SLC39A11: variants seen among roughly 807,000 people sequenced by gnomAD.
SLC39A11 encodes zinc transporter ZIP11.
Under a neutral mutation model 36.1 loss-of-function variants are expected in SLC39A11, and 33 were observed. The observed-to-expected ratio is 0.91, with a 90% CI of 0.69 to 1.22. The LOEUF (loss-of-function observed/expected upper bound fraction) is 1.22, where lower values mean the gene tolerates loss of function less well. Among genes scored for constraint, SLC39A11 ranks in the 50% most tolerant of loss-of-function variants. The pLI is 0.00. For missense variants in SLC39A11, 432 were observed against 430.3 expected (o/e 1.00, Z -0.03); for synonymous variants, 166 against 170.3 (o/e 0.97, Z 0.20).
intron 3 of SLC39A11, among the ~76,000 whole-genome samples, chr17:73,055,130 G>A (rs1197311773): frequency 1.3e-5 from 2 of 152,184 alleles, no homozygotes; most frequent in Non-Finnish European, 2.9e-5. Flanking sequence ...GAGTGTCCCT[G>A]TCCCAAGCCA....
At chr17:73,003,632 G>T (rs980062610) in intron 4 of SLC39A11, among the ~76,000 whole-genome samples, 1 of 152,174 alleles carries the variant, frequency 6.6e-6, no homozygotes, top group African/African-American at 2.4e-5. Context: ...CTTCACAGAG[G>T]TGTGCTGTTG....
At chr17:72,846,018 C>CTTTTTTATTTTTTTT (rs2079036523) in intron 6 of SLC39A11, among the ~76,000 whole-genome samples, 1 of 57,950 alleles carries the variant, frequency 1.7e-5, no homozygotes, top group African/African-American at 8.5e-5. Context: ...CTCTCTCTCT[C>CTTTTTTATTTTTTTT]TTTTTTTTTT....
At chr17:72,648,592 G>A (rs1323038352) in intron 9 of SLC39A11, among the ~76,000 whole-genome samples, 1 of 152,110 alleles carries the variant, frequency 6.6e-6, no homozygotes, top group African/African-American at 2.4e-5. Flanking sequence ...ACTGCCTGGT[G>A]TCACCTCATT....
intron 5 of SLC39A11, 27 bp downstream of exon 5, chr17:72,947,725 G>A: frequency 6.2e-7 from 1 of 1,613,230 alleles, no homozygotes; most frequent in Non-Finnish European, 8.5e-7. Context: ...GCAGCAAAGA[G>A]CTTGCCTGAA....
At chr17:73,038,259 G>A (rs563239592) in intron 3 of SLC39A11, among the ~76,000 whole-genome samples, 2 of 151,596 alleles carry the variant, frequency 1.3e-5, no homozygotes, top group African/African-American at 4.8e-5. Flanking sequence ...AACAACTCTT[G>A]CAAAAGGGCT....
At chr17:72,976,975 G>T (rs536176298) in intron 4 of SLC39A11, among the ~76,000 whole-genome samples, 47 of 152,314 alleles carry the variant, frequency 3.1e-4, no homozygotes, top group African/African-American at 1.0e-3. Flanking sequence ...AAGATGTTTT[G>T]CCCTTATCCC....
At chr17:72,894,002 G>C (rs2081896329) in intron 5 of SLC39A11, among the ~76,000 whole-genome samples, 1 of 152,130 alleles carries the variant, frequency 6.6e-6, no homozygotes, top group South Asian at 2.1e-4. Flanking sequence ...ACCAAGCAGT[G>C]AGTGTGATCA....
chr17:72,950,413 C>T (rs1357728060), intron 4 of SLC39A11, among the ~76,000 whole-genome samples: 1 of 152,210 alleles, frequency 6.6e-6, no homozygotes, highest in East Asian at 1.9e-4. Flanking sequence ...GAAGGCCGGT[C>T]TCTCCCTCTG....
In SLC39A11 at chr17:72,849,809, G is replaced by GT; in HGVS notation, c.431-6_431-5insA. On this transcript the variant is annotated splice_polypyrimidine_tract_variant and splice_region_variant and intron_variant, in intron 5 of 9. Transcript: ENST00000255559. The stretch of plus-strand genomic sequence containing the variant: ...CCTCACCATTCTCACTCTTGTCTGA[G>GT]CAAAAAAAAAAAAAAAGAGAGATGG... 7.3e-7 allele frequency: 1 copy of GT among 1,370,066 alleles called. No individual in the cohort carries two copies. Among genetic ancestry groups the GT allele is most frequent in the Non-Finnish European group, 9.3e-7 (1 of 1,076,496 alleles). 84.9% of individuals were successfully genotyped at this position (1,370,066 alleles called of 1,614,324 possible).
At chr17:73,002,014 A>G (rs2089851977) in intron 4 of SLC39A11, among the ~76,000 whole-genome samples, 1 of 152,164 alleles carries the variant, frequency 6.6e-6, no homozygotes, top group Admixed American at 6.5e-5. Flanking sequence ...TAACAACAGC[A>G]TCATTACTAA....
At chr17:72,692,306 C>T (rs149611077) in intron 7 of SLC39A11, among the ~76,000 whole-genome samples, 7 of 152,120 alleles carry the variant, frequency 4.6e-5, no homozygotes, top group African/African-American at 7.2e-5. Context: ...CTACCGCGCC[C>T]GACCAAAATA....
At chr17:73,066,912 C>T (rs1205408192) in intron 3 of SLC39A11, among the ~76,000 whole-genome samples, 1 of 152,194 alleles carries the variant, frequency 6.6e-6, no homozygotes, top group African/African-American at 2.4e-5. Flanking sequence ...CCCAAAAGTC[C>T]TAGCTAATAC....
intron 7 of SLC39A11, among the ~76,000 whole-genome samples, chr17:72,730,487 A>G (rs549062107): frequency 6.6e-6 from 1 of 152,306 alleles, no homozygotes; most frequent in Non-Finnish European, 1.5e-5. Flanking sequence ...TTAGAACTGA[A>G]CATTTAAAAA....
At chr17:72,834,351 G>C (rs2078422183) in intron 6 of SLC39A11, among the ~76,000 whole-genome samples, 1 of 152,244 alleles carries the variant, frequency 6.6e-6, no homozygotes, top group South Asian at 2.1e-4. Context: ...GCTGGGCACG[G>C]TGGCTCACGC....
chr17:72,878,853 G>C (rs960820646), intron 5 of SLC39A11, among the ~76,000 whole-genome samples: 4 of 152,186 alleles, frequency 2.6e-5, no homozygotes, highest in African/African-American at 7.2e-5. Flanking sequence ...AGTCCCAAAA[G>C]ACTGCCCATA....
At chr17:72,796,293 C>T (rs1328315834) in intron 6 of SLC39A11, among the ~76,000 whole-genome samples, 3 of 152,092 alleles carry the variant, frequency 2.0e-5, no homozygotes, top group South Asian at 2.1e-4. Context: ...CTCTTGGTAG[C>T]GACAGGCTTC....
intron 3 of SLC39A11, among the ~76,000 whole-genome samples, chr17:73,076,527 T>C (rs1446013697): frequency 1.3e-5 from 2 of 152,216 alleles, no homozygotes; most frequent in Admixed American, 1.3e-4. Flanking sequence ...TGTAACAGCA[T>C]GCTACAGTGC....
In SLC39A11 at chr17:72,990,069, C is replaced by T. The variant is rs375325587; in HGVS notation, c.306+41487G>A. ...CCATCTTAGTACATGAAAGGCATAA[C>T]ATCAAAAATATTCCATCTCAAAAGC... On this transcript the variant is annotated intron_variant, in intron 4 of 9. Transcript: ENST00000255559. Among the ~76,000 whole-genome samples the T allele has an allele frequency of 1.1e-3, 162 of 152,328 alleles. 1 individual carries two copies. Among genetic ancestry groups the T allele is most frequent in the African/African-American group, 3.6e-3 (150 of 41,570 alleles).
chr17:72,835,585 T>C, intron 6 of SLC39A11, among the ~76,000 whole-genome samples: 1 of 152,142 alleles, frequency 6.6e-6, no homozygotes, highest in East Asian at 1.9e-4. Flanking sequence ...CTCAGCCTCC[T>C]GAGTAGTTGG....
Sources: allele counts gnomAD v4.1 joint callset (sites outside exome capture counted in the v4.1 genomes callset), GRCh38; gene constraint gnomAD v4.1.1; transcripts MANE v1.5; gene names NCBI Gene and HGNC (gene_info 2026-07-23, HGNC 2026-07-21).